Variants in MGST2 observed in about 807,000 individuals in gnomAD.
The protein encoded by MGST2 is microsomal glutathione S-transferase 2, also known as glutathione peroxidase MGST2.
In MGST2, 9 loss-of-function variants were observed where a neutral mutation model predicts 16.6. That is an observed-to-expected ratio of 0.54 (90% confidence interval 0.33 to 0.95). The LOEUF (loss-of-function observed/expected upper bound fraction) is 0.95, where lower values mean the gene tolerates loss of function less well. Among genes scored for constraint, MGST2 ranks in the 40% least tolerant of loss-of-function variants. The probability of loss-of-function intolerance (pLI) is 0.03; values close to 1 mark genes in which losing one functional copy is unlikely to be tolerated. For missense variants in MGST2, 159 were observed against 175.1 expected (o/e 0.91, Z 0.52); for synonymous variants, 79 against 68.0 (o/e 1.16, Z -0.79).
chr4:139,753,116 C>A, the MGST2 span, among the ~76,000 whole-genome samples: 30 of 152,160 alleles, frequency 2.0e-4, no homozygotes, highest in Non-Finnish European at 4.0e-4. Flanking sequence ...GGGTTACACA[C>A]CACTCAATTC....
downstream of MGST2, among the ~76,000 whole-genome samples, chr4:139,705,980 C>T (rs938108463): frequency 5.9e-5 from 9 of 152,192 alleles, no homozygotes; most frequent in South Asian, 6.2e-4. Flanking sequence ...CACATTTTGA[C>T]GTCAGGAAAA....
Position 139,666,028 on chromosome 4 carries a change from G to A in MGST2, c.9G>A (p.Gly3=), listed in dbSNP as rs765214299. MA[G]NSILLAAVSI... ...ATAGTTCCGTGAGAAAGATGGCCGGGAACTCGATCCTGCTGGCTGCTGTCT... is the reference window on the plus strand; with the variant it reads ...ATAGTTCCGTGAGAAAGATGGCCGGAAACTCGATCCTGCTGGCTGCTGTCT... Residue 3 remains glycine (G), a synonymous_variant, in exon 1 of 5, where the codon GGG becomes GGA. Transcript: ENST00000265498. 2 of 1,614,080 alleles carry A rather than the reference G, an allele frequency of 1.2e-6. No individual in the cohort carries two copies. Among genetic ancestry groups the A allele is most frequent in the Non-Finnish European group, 1.7e-6 (2 of 1,180,012 alleles).
intron 5 of MGST2, among the ~76,000 whole-genome samples, chr4:139,724,435 G>A (rs1728384860): frequency 6.6e-6 from 1 of 152,154 alleles, no homozygotes; most frequent in South Asian, 2.1e-4. Flanking sequence ...CTTGTGTGTT[G>A]CAATCTGAGA....
At chr4:139,701,253 G>C (rs958360639) in intron 3 of MGST2, among the ~76,000 whole-genome samples, 2 of 151,634 alleles carry the variant, frequency 1.3e-5, no homozygotes, top group African/African-American at 4.8e-5. Flanking sequence ...TCCAAAGTAA[G>C]TCACCTACTA....
downstream of MGST2, among the ~76,000 whole-genome samples, chr4:139,743,661 G>A (rs1158666559): frequency 6.6e-6 from 1 of 152,110 alleles, no homozygotes; most frequent in Non-Finnish European, 1.5e-5. Context: ...GATACCACAC[G>A]GGGAAAAGCC....
intron 4 of MGST2, 131 bp downstream of exon 4, chr4:139,703,667 G>A (rs1195013604): frequency 3.5e-6 from 3 of 863,502 alleles, no homozygotes; most frequent in Non-Finnish European, 5.7e-6. Flanking sequence ...ACTGTCTGAG[G>A]TCAAGTCTTG....
chr4:139,711,086 C>A (rs1159327139), intron 5 of MGST2, among the ~76,000 whole-genome samples: 1 of 151,344 alleles, frequency 6.6e-6, no homozygotes, highest in Non-Finnish European at 1.5e-5. Context: ...TGATCACAAT[C>A]CACTGCAGCC....
chr4:139,716,488 G>T (rs1727964811), intron 5 of MGST2, among the ~76,000 whole-genome samples: 1 of 152,174 alleles, frequency 6.6e-6, no homozygotes, highest in African/African-American at 2.4e-5. Context: ...CAAATGGATT[G>T]CACTATGTTC....
intron 2 of MGST2, among the ~76,000 whole-genome samples, chr4:139,683,306 G>A (rs761470052): frequency 2.6e-5 from 4 of 152,188 alleles, no homozygotes; most frequent in African/African-American, 4.8e-5. Context: ...CATAATGAAT[G>A]TGAAGTGTGA....
chr4:139,716,277 G>A (rs1479335070), intron 5 of MGST2, among the ~76,000 whole-genome samples: 6 of 152,208 alleles, frequency 3.9e-5, no homozygotes, highest in Non-Finnish European at 1.5e-5. Flanking sequence ...GGTTTGAGAT[G>A]CAAAGAAGTG....
At chr4:139,719,445 C>A in intron 5 of MGST2, 1 of 1,614,008 alleles carries the variant, frequency 6.2e-7, no homozygotes, top group Non-Finnish European at 8.5e-7. Context: ...CCAGCTCCGT[C>A]GCCACTGTAA....
At chr4:139,749,892 C>G in the MGST2 span, among the ~76,000 whole-genome samples, 3 of 133,684 alleles carry the variant, frequency 2.2e-5, no homozygotes, top group Non-Finnish European at 4.7e-5. Context: ...AGAACCCCCC[C>G]CCACCCTATT....
At chr4:139,690,828 C>T (rs1046716413) in intron 2 of MGST2, among the ~76,000 whole-genome samples, 6 of 152,162 alleles carry the variant, frequency 3.9e-5, no homozygotes, top group African/African-American at 1.4e-4. Context: ...TTTGGGCCAT[C>T]CTTACTGCTC....
At chr4:139,707,148 C>A (rs908880408), downstream of MGST2, among the ~76,000 whole-genome samples, 6 of 151,726 alleles carry the variant, frequency 4.0e-5, no homozygotes, top group Non-Finnish European at 8.8e-5. Flanking sequence ...TGTGCTGCAC[C>A]CATTAACTCG....
intron 1 of MGST2, among the ~76,000 whole-genome samples, chr4:139,668,595 C>CAGAGAG (rs200533863): frequency 2.5e-3 from 334 of 135,164 alleles, no homozygotes; most frequent in Non-Finnish European, 4.3e-3. Context: ...AAGAAAGACA[C>CAGAGAG]AGAGAGAGAG....
At chr4:139,689,757 T>C (rs1198740742) in intron 2 of MGST2, among the ~76,000 whole-genome samples, 2 of 152,246 alleles carry the variant, frequency 1.3e-5, no homozygotes, top group African/African-American at 4.8e-5. Flanking sequence ...AAATGGCTCA[T>C]GAGGTTTTCC....
chr4:139,703,991 TTTC>T (rs751994124), intron 4 of MGST2, 22 bp from the exon 5 acceptor site: 1 of 1,613,986 alleles, frequency 6.2e-7, no homozygotes, highest in Non-Finnish European at 8.5e-7. Flanking sequence ...GTTTGTCACT[TTTC>T]TCCCTCATGT....
Position 139,715,978 on chromosome 4 carries a change from A to G in MGST2, c.*48+11782A>G, listed in dbSNP as rs1202375371. Among the ~76,000 whole-genome samples, 1 of 152,124 alleles carries G rather than the reference A, an allele frequency of 6.6e-6. No homozygotes were observed. The highest frequency in any genetic ancestry group is 2.4e-5 in the African/African-American group (1 of 41,420). On this transcript the variant is annotated intron_variant, in intron 5 of 5. Coordinates refer to the MGST2 transcript ENST00000616265. This position sits in a 1 kb window ranked among gnomAD's most constrained non-coding sequence, Gnocchi z 4.4. ...AGTTGCTCTGGTTCACACGCCTCTG[A>G]CAAAACTCCTGGGCTCAAGTGATCC... is the stretch of plus-strand genomic sequence containing the variant.
At chr4:139,719,922 A>C in intron 5 of MGST2, 1 of 1,614,068 alleles carries the variant, frequency 6.2e-7, no homozygotes. Flanking sequence ...GGCCTAGGCA[A>C]GGCCTGGCCT....
Sources: gnomAD v4.1 joint callset for allele counts (sites outside exome capture counted in the v4.1 genomes callset) on GRCh38, gnomAD v4.1.1 for gene constraint, Gnocchi (gnomAD v3.1) non-coding constraint, MANE v1.5 for transcripts, NCBI Gene and HGNC (gene_info 2026-07-23, HGNC 2026-07-21) for gene names.